The following PTPRO variants were observed in gnomAD, a reference collection of about 807,000 sequenced individuals.
PTPRO encodes the protein protein tyrosine phosphatase receptor type O.
Under a neutral mutation model 145.2 loss-of-function variants are expected in PTPRO, and 62 were observed. The observed-to-expected ratio is 0.43, with a 90% CI of 0.35 to 0.53. The LOEUF is 0.53. Ranked by LOEUF, PTPRO falls within the 20% of genes least tolerant of loss-of-function variation. The pLI, the probability that PTPRO is intolerant of heterozygous loss-of-function variation, is 0.01. For synonymous variants in PTPRO, 565 were observed against 514.7 expected (o/e 1.10, Z -1.32); for missense variants, 1,345 against 1,482.7 (o/e 0.91, Z 1.53).
chr12:15,537,845 T>C (rs1478449427), intron 12 of PTPRO, among the ~76,000 whole-genome samples: 1 of 152,174 alleles, frequency 6.6e-6, no homozygotes, highest in South Asian at 2.1e-4. Context: ...AAGGATTGGG[T>C]CTGGATATAT....
intron 1 of PTPRO, among the ~76,000 whole-genome samples, chr12:15,426,450 A>G (rs1440378849): frequency 4.6e-5 from 7 of 152,006 alleles, no homozygotes; most frequent in African/African-American, 7.2e-5. Flanking sequence ...ATTCGTGATA[A>G]TATTCTTAAT....
chr12:15,467,160 T>C (rs2136407918), intron 1 of PTPRO, among the ~76,000 whole-genome samples: 1 of 152,308 alleles, frequency 6.6e-6, no homozygotes, highest in South Asian at 2.1e-4. Context: ...TCTAGGTGCA[T>C]AGCACACTAT....
At chr12:15,539,761 CAAAAAAAAAAAAAAAA>C (rs56061735) in intron 12 of PTPRO, among the ~76,000 whole-genome samples, 9 of 52,458 alleles carry the variant, frequency 1.7e-4, no homozygotes, top group Admixed American at 3.6e-4. Flanking sequence ...GACTCTGTCT[CAAAAAAAAAAAAAAAA>C]AAAAAAAAAA....
intron 2 of PTPRO, among the ~76,000 whole-genome samples, chr12:15,488,039 C>T (rs1941926408): frequency 6.6e-6 from 1 of 152,142 alleles, no homozygotes; most frequent in South Asian, 2.1e-4. Context: ...CTGGTCACTC[C>T]TTCGAATTCA....
chr12:15,355,237 T>C (rs1937947769), intron 1 of PTPRO, among the ~76,000 whole-genome samples: 1 of 152,152 alleles, frequency 6.6e-6, no homozygotes, highest in Non-Finnish European at 1.5e-5. Context: ...GCTCTTTTAC[T>C]CCCCAAAATC....
Position 15,526,133 on chromosome 12 carries a change from A to T in PTPRO, c.2044-9A>T, listed in dbSNP as rs2136527692. ...AAAGTTTAAACCCTTGATTTTGATG[A>T]TCTTGCAGGTAACACGCAATGTCAT... On this transcript the variant is annotated splice_polypyrimidine_tract_variant and intron_variant, in intron 11 of 26. Coordinates refer to ENST00000281171, the MANE Select transcript of PTPRO (RefSeq NM_030667.3). The T allele has an allele frequency of 6.2e-7, 1 of 1,613,932 alleles. No homozygotes were observed. Among genetic ancestry groups the T allele is most frequent in the East Asian group, 2.2e-5 (1 of 44,854 alleles).
At chr12:15,378,408 C>T (rs1565595669) in intron 1 of PTPRO, among the ~76,000 whole-genome samples, 2 of 152,018 alleles carry the variant, frequency 1.3e-5, no homozygotes, top group South Asian at 2.1e-4. Context: ...AGAAAATACA[C>T]TATTAACAAC....
intron 1 of PTPRO, among the ~76,000 whole-genome samples, chr12:15,465,416 G>C (rs1347586657): frequency 6.6e-6 from 1 of 152,222 alleles, no homozygotes; most frequent in Non-Finnish European, 1.5e-5. Flanking sequence ...ATTGGTTTAA[G>C]AAGATGTTAT....
intron 1 of PTPRO, among the ~76,000 whole-genome samples, chr12:15,344,782 C>A (rs1299549225): frequency 6.6e-6 from 1 of 152,208 alleles, no homozygotes; most frequent in Non-Finnish European, 1.5e-5. Flanking sequence ...CAACCTCACA[C>A]TTCCATGGCA....
intron 1 of PTPRO, among the ~76,000 whole-genome samples, chr12:15,396,083 C>T (rs552614883): frequency 6.6e-6 from 1 of 152,070 alleles, no homozygotes; most frequent in Non-Finnish European, 1.5e-5. Flanking sequence ...TTAGAAGATC[C>T]CATATTCTAT....
At chr12:15,596,030 A>G (rs1591784309) in intron 26 of PTPRO, 60 bp from the exon 27 acceptor site, 1 of 152,170 alleles carries the variant, frequency 6.6e-6, no homozygotes, top group East Asian at 1.9e-4. Context: ...GCAGTGGTGG[A>G]GCAATAGAAG....
chr12:15,385,877 G>C (rs553068271), intron 1 of PTPRO, among the ~76,000 whole-genome samples: 2 of 150,140 alleles, frequency 1.3e-5, no homozygotes, highest in East Asian at 3.9e-4. Flanking sequence ...ATAGATGATA[G>C]ATAGATTAAA....
chr12:15,372,658 C>A (rs1394340727), intron 1 of PTPRO, among the ~76,000 whole-genome samples: 1 of 152,082 alleles, frequency 6.6e-6, no homozygotes, highest in Non-Finnish European at 1.5e-5. Flanking sequence ...AAGTGAAATA[C>A]CACGCAAGAC....
chr12:15,522,702 G>A lies in PTPRO; in HGVS notation c.1892-2112G>A, dbSNP rs551517740. 5.3e-5 allele frequency among the ~76,000 whole-genome samples: 8 copies of A among 152,268 alleles called. No homozygotes were observed. In the South Asian group the frequency reaches 1.5e-3, roughly 28 times the overall value. ...GAACTCAAGTCTACCATCTTTGTTA[G>A]GCAATTCAGTTGGCTAGCCCTCAAT... On this transcript the variant is annotated intron_variant, in intron 10 of 26. Transcript: ENST00000281171.
chr12:15,371,877 C>T (rs1290591285), intron 1 of PTPRO, among the ~76,000 whole-genome samples: 1 of 152,076 alleles, frequency 6.6e-6, no homozygotes, highest in Non-Finnish European at 1.5e-5. Context: ...CTCCTCCTGG[C>T]CGCCTTGTGA....
At chr12:15,594,900 T>C (rs778832735) in intron 25 of PTPRO, 37 bp from the exon 26 acceptor site, 5 of 1,415,204 alleles carry the variant, frequency 3.5e-6, no homozygotes, top group South Asian at 2.3e-5. Flanking sequence ...TCTTTGCACA[T>C]GTCTGCTCTG....
chr12:15,574,666 T>C (rs1021477525), intron 19 of PTPRO, among the ~76,000 whole-genome samples: 12 of 152,334 alleles, frequency 7.9e-5, no homozygotes, highest in African/African-American at 2.9e-4. Flanking sequence ...GTAATCTTAG[T>C]ATTGTTTGAA....
chr12:15,529,478 A>T (rs1232717170), intron 12 of PTPRO, among the ~76,000 whole-genome samples: 5 of 151,304 alleles, frequency 3.3e-5, no homozygotes, highest in African/African-American at 1.2e-4. Context: ...AAAAAAAAAA[A>T]AAAAGGAAAA....
chr12:15,568,686 CA>C (rs35191451), intron 18 of PTPRO, among the ~76,000 whole-genome samples: 1 of 151,718 alleles, frequency 6.6e-6, no homozygotes. Context: ...TTCTTATTCT[CA>C]AAAAAAAGTG....
Sources: gnomAD v4.1 joint callset for allele counts (sites outside exome capture counted in the v4.1 genomes callset) on GRCh38, gnomAD v4.1.1 for gene constraint, MANE v1.5 for transcripts, NCBI Gene and HGNC (gene_info 2026-07-23, HGNC 2026-07-21) for gene names.